RIMKLB: variants seen among roughly 807,000 people sequenced by gnomAD.
RIMKLB encodes ribosomal modification protein rimK like family member B, also known as beta-citrylglutamate synthase B.
In RIMKLB, 7 loss-of-function variants were observed where a neutral mutation model predicts 32.0. The observed-to-expected ratio is 0.22, with a 90% CI of 0.12 to 0.41. The LOEUF (loss-of-function observed/expected upper bound fraction) is 0.41. RIMKLB is among the 10% of genes least tolerant of loss of function. The probability of loss-of-function intolerance (pLI) is 1.00; values close to 1 mark genes in which losing one functional copy is unlikely to be tolerated. For missense variants in RIMKLB, 289 were observed against 498.7 expected, an observed-to-expected ratio of 0.58 and a Z score of 4.00; for synonymous variants, 172 against 185.1, an observed-to-expected ratio of 0.93 and a Z score of 0.57.
downstream of RIMKLB, chr12:8,777,537 A>G (rs1475606299): frequency 1.4e-5 from 17 of 1,220,172 alleles, no homozygotes; most frequent in South Asian, 2.4e-4. Flanking sequence ...CATTTTTTAC[A>G]TTGTTTTTAA....
chr12:8,674,397 C>T, the RIMKLB span, among the ~76,000 whole-genome samples: 3 of 151,758 alleles, frequency 2.0e-5, no homozygotes, highest in Admixed American at 6.6e-5. Context: ...CGCCACCACG[C>T]CCTGCTAATT....
At chr12:8,759,824 T>C (rs2137962600) in intron 5 of RIMKLB, among the ~76,000 whole-genome samples, 1 of 152,298 alleles carries the variant, frequency 6.6e-6, no homozygotes, top group Middle Eastern at 3.4e-3. Flanking sequence ...CTGAAATAGG[T>C]TTAGTGTTTT....
At chr12:8,697,777 A>T (rs1942964201), upstream of RIMKLB, 2 of 193,492 alleles carry the variant, frequency 1.0e-5, no homozygotes, top group Non-Finnish European at 1.1e-5. Flanking sequence ...CTCTCGACGC[A>T]GGTGTCAGAT....
At chr12:8,780,563 C>G (rs1336897678), downstream of RIMKLB, 1 of 152,162 alleles carries the variant, frequency 6.6e-6, no homozygotes, top group African/African-American at 2.4e-5. Flanking sequence ...TCTATATACC[C>G]TTCTGCTGCA....
intron 5 of RIMKLB, among the ~76,000 whole-genome samples, chr12:8,756,024 A>T (rs890890997): frequency 1.3e-5 from 2 of 151,884 alleles, no homozygotes; most frequent in Non-Finnish European, 2.9e-5. Context: ...GCAGTGGCAC[A>T]TTCCTGTTTA....
chr12:8,721,477 A>G (rs766646418), intron 2 of RIMKLB, among the ~76,000 whole-genome samples: 11 of 152,176 alleles, frequency 7.2e-5, no homozygotes, highest in Non-Finnish European at 1.2e-4. Context: ...ACAGGAATAG[A>G]TTCCATCTCC....
intron 5 of RIMKLB, among the ~76,000 whole-genome samples, chr12:8,769,190 T>C (rs1021995394): frequency 3.9e-5 from 6 of 152,198 alleles, no homozygotes; most frequent in African/African-American, 1.2e-4. Context: ...GTAGTTAATA[T>C]TCTTTTGGCT....
intron 1 of RIMKLB, among the ~76,000 whole-genome samples, chr12:8,705,973 A>G (rs1943839604): frequency 6.6e-6 from 1 of 152,202 alleles, no homozygotes; most frequent in Admixed American, 6.5e-5. Context: ...CTTAAGGTCA[A>G]CTGATTAGAT....
intron 1 of RIMKLB, among the ~76,000 whole-genome samples, chr12:8,688,465 TAGAA>T (rs1414713352): frequency 2.0e-5 from 3 of 152,160 alleles, no homozygotes; most frequent in East Asian, 3.8e-4. Flanking sequence ...ATTATTTTCT[TAGAA>T]AGGAAAATTT....
At chr12:8,671,426 T>G in the RIMKLB span, among the ~76,000 whole-genome samples, 3 of 152,044 alleles carry the variant, frequency 2.0e-5, no homozygotes, top group Non-Finnish European at 4.4e-5. Context: ...ATTTTGTATT[T>G]TTTAGTAGAG....
At chr12:8,685,550 T>C (rs1942542908) in intron 1 of RIMKLB, among the ~76,000 whole-genome samples, 1 of 152,250 alleles carries the variant, frequency 6.6e-6, no homozygotes, top group African/African-American at 2.4e-5. Flanking sequence ...TTTTATTAAA[T>C]TGTTGCATTC....
intron 2 of RIMKLB, among the ~76,000 whole-genome samples, chr12:8,721,260 TTTCTTGAAATACGAAAA>T (rs1424771542): frequency 6.6e-6 from 1 of 152,212 alleles, no homozygotes; most frequent in Non-Finnish European, 1.5e-5. Context: ...GCTGTGGCAT[TTTCTTGAAATACGAAAA>T]CAATGAAATT....
chr12:8,754,146 C>A, intron 5 of RIMKLB, 53 bp downstream of exon 5: 1 of 1,328,096 alleles, frequency 7.5e-7, no homozygotes, highest in African/African-American at 1.4e-5. Flanking sequence ...TTATAATTGT[C>A]CAGTGAGTAT....
intron 5 of RIMKLB, among the ~76,000 whole-genome samples, chr12:8,766,663 T>G (rs1425515853): frequency 1.3e-5 from 2 of 152,188 alleles, no homozygotes; most frequent in African/African-American, 4.8e-5. Flanking sequence ...CCCACTGTGT[T>G]TTTTTCCTCA....
At chr12:8,753,845 C>T (rs1438022746) in intron 4 of RIMKLB, 45 bp from the exon 5 acceptor site, 2 of 1,468,908 alleles carry the variant, frequency 1.4e-6, no homozygotes, top group Admixed American at 3.4e-5. Flanking sequence ...ATCATCTGCC[C>T]ACAATTGATG....
intron 1 of RIMKLB, among the ~76,000 whole-genome samples, chr12:8,708,837 T>C (rs1423988546): frequency 6.6e-6 from 1 of 152,250 alleles, no homozygotes; most frequent in African/African-American, 2.4e-5. Flanking sequence ...TTTATTGGTA[T>C]GCTGATCCAG....
Position 8,776,252 on chromosome 12 carries a change from A to G in RIMKLB, c.*2468A>G, listed in dbSNP as rs1284783280. On this transcript the variant is annotated 3_prime_UTR_variant, in exon 6 of 6. Transcript: ENST00000535829. ...GCTTTATTCACTATTATGCATTCACATGATATTAAAACGTACACTCACATG... is the reference window on the plus strand; with the variant it reads ...GCTTTATTCACTATTATGCATTCACGTGATATTAAAACGTACACTCACATG... The G allele has an allele frequency of 2.0e-6, 2 of 976,634 alleles. No homozygotes were observed. Among genetic ancestry groups the G allele is most frequent in the African/African-American group, 3.6e-5 (2 of 55,126 alleles). The allele number at this position is 976,634 out of a possible 1,614,324, so 60.5% of individuals were successfully genotyped here. A position where few individuals can be genotyped will look rare whatever the true frequency, so the allele number is the denominator to read the frequency against.
intron 2 of RIMKLB, among the ~76,000 whole-genome samples, chr12:8,744,261 A>G (rs1269229501): frequency 6.6e-6 from 1 of 152,070 alleles, no homozygotes; most frequent in South Asian, 2.1e-4. Context: ...CTAGAATAAC[A>G]TCAGGTATTT....
At chr12:8,752,688 GACT>G (rs1948713746) in intron 4 of RIMKLB, among the ~76,000 whole-genome samples, 1 of 152,086 alleles carries the variant, frequency 6.6e-6, no homozygotes, top group Non-Finnish European at 1.5e-5. Context: ...ATATCTTAAT[GACT>G]TTGAATTAAG....
Sources: allele counts gnomAD v4.1 joint callset (sites outside exome capture counted in the v4.1 genomes callset), GRCh38; gene constraint gnomAD v4.1.1; transcripts MANE v1.5; gene names NCBI Gene and HGNC (gene_info 2026-07-23, HGNC 2026-07-21).